Variants in ZNF521 observed in about 807,000 individuals in gnomAD.
ZNF521 encodes the protein zinc finger protein 521, also known as LYST-interacting protein 3.
Under a neutral mutation model 105.5 loss-of-function variants are expected in ZNF521, and 14 were observed. The observed-to-expected ratio is 0.13, with a 90% CI of 0.09 to 0.21. The LOEUF (loss-of-function observed/expected upper bound fraction) is 0.21, where lower values mean the gene tolerates loss of function less well. Among genes scored for constraint, ZNF521 ranks in the 10% least tolerant of loss-of-function variants. The probability of loss-of-function intolerance (pLI) is 1.00; values close to 1 mark genes in which losing one functional copy is unlikely to be tolerated. For missense variants in ZNF521, 1,233 were observed against 1,629.7 expected, an observed-to-expected ratio of 0.76 and a Z score of 4.19; for synonymous variants, 635 against 606.0, an observed-to-expected ratio of 1.05 and a Z score of -0.70.
intron 5 of ZNF521, among the ~76,000 whole-genome samples, chr18:25,105,822 G>C (rs1259968780): frequency 1.3e-5 from 2 of 152,106 alleles, no homozygotes; most frequent in African/African-American, 4.8e-5. Flanking sequence ...TAGTTTACTG[G>C]GTCCCTATGC....
At chr18:25,168,882 T>C (rs1004838938) in intron 5 of ZNF521, among the ~76,000 whole-genome samples, 3 of 152,118 alleles carry the variant, frequency 2.0e-5, no homozygotes, top group African/African-American at 7.2e-5. Context: ...TTACCCATCA[T>C]CTCAGTTTAG....
rs369072355 is a variant in ZNF521, at chr18:25,071,873, T to G, written c.3907-9132A>C. On this transcript the variant is annotated intron_variant, in intron 7 of 7. Coordinates refer to ENST00000361524, the MANE Select transcript of ZNF521 (RefSeq NM_015461.3). ...GTCAGAGGCTTTGTTCTTGGAGGAGTCACACATGCCTGGTGCGGGAGAGAT... is the reference window on the plus strand; with the variant it reads ...GTCAGAGGCTTTGTTCTTGGAGGAGGCACACATGCCTGGTGCGGGAGAGAT... 1.1e-3 allele frequency among the ~76,000 whole-genome samples: 170 copies of G among 151,946 alleles called. 7 individuals carry two copies. The South Asian group carries it at 0.034, about 31-fold the overall frequency.
chr18:25,256,766 G>A (rs1420140092), intron 3 of ZNF521, among the ~76,000 whole-genome samples: 2 of 151,904 alleles, frequency 1.3e-5, no homozygotes, highest in African/African-American at 2.4e-5. Context: ...AAGGAGAACA[G>A]TGTTGGGTCA....
At chr18:25,279,254 C>A (rs1425110848) in intron 3 of ZNF521, among the ~76,000 whole-genome samples, 4 of 152,170 alleles carry the variant, frequency 2.6e-5, no homozygotes, top group Non-Finnish European at 1.5e-5. Context: ...GACACTCAGA[C>A]AACTTATAAA....
chr18:25,072,132 G>A (rs2033241169), intron 7 of ZNF521, among the ~76,000 whole-genome samples: 2 of 152,134 alleles, frequency 1.3e-5, no homozygotes, highest in Non-Finnish European at 1.5e-5. Flanking sequence ...AATATCAAAC[G>A]AGCTGGAAAA....
In ZNF521 at chr18:25,110,326, C is replaced by T. The variant is rs549670206; in HGVS notation, c.3659-18245G>A. Among the ~76,000 whole-genome samples the T allele has an allele frequency of 1.1e-4, 16 of 152,254 alleles. No individual in the cohort carries two copies. The South Asian group carries it at 2.3e-3, about 22-fold the overall frequency. On this transcript the variant is annotated intron_variant, in intron 5 of 7. Coordinates refer to ENST00000361524, the MANE Select transcript of ZNF521 (RefSeq NM_015461.3). ...GAGGAGGTGAGGAGAGGTGGGCCTG[C>T]GCCTTGGGTCCTGCCTGCCCCCTTG...
intron 5 of ZNF521, among the ~76,000 whole-genome samples, chr18:25,154,864 T>C (rs1391223634): frequency 1.3e-5 from 2 of 152,182 alleles, no homozygotes; most frequent in Non-Finnish European, 2.9e-5. Context: ...GGAGTGCAGA[T>C]ATCTTTACGA....
chr18:25,183,933 T>C (rs2035675864), intron 5 of ZNF521, among the ~76,000 whole-genome samples: 1 of 152,192 alleles, frequency 6.6e-6, no homozygotes, highest in South Asian at 2.1e-4. Context: ...AAGGCCATTT[T>C]GAAATAATAT....
chr18:25,149,261 G>A (rs905680797), intron 5 of ZNF521, among the ~76,000 whole-genome samples: 11 of 152,184 alleles, frequency 7.2e-5, no homozygotes, highest in Non-Finnish European at 1.5e-5. Flanking sequence ...TGCTACGATT[G>A]AATCAGCCAT....
intron 3 of ZNF521, among the ~76,000 whole-genome samples, chr18:25,259,556 A>C (rs148221182): frequency 6.6e-6 from 1 of 152,256 alleles, no homozygotes; most frequent in Non-Finnish European, 1.5e-5. Context: ...AAGAGAGCTG[A>C]AGGGAGTAGA....
At chr18:25,212,563 A>ATGTGTG (rs1568012334) in intron 4 of ZNF521, among the ~76,000 whole-genome samples, 1 of 128,962 alleles carries the variant, frequency 7.8e-6, no homozygotes, top group African/African-American at 3.1e-5. Context: ...ATATATATAT[A>ATGTGTG]TATGTATAGA....
chr18:25,324,278 C>A (rs955203308), intron 2 of ZNF521, among the ~76,000 whole-genome samples: 1 of 151,846 alleles, frequency 6.6e-6, no homozygotes, highest in East Asian at 1.9e-4. Flanking sequence ...TAAACAGGAA[C>A]AGACCAGTTA....
chr18:25,287,606 GAA>G (rs1165096292), intron 3 of ZNF521, among the ~76,000 whole-genome samples: 6 of 127,004 alleles, frequency 4.7e-5, no homozygotes, highest in African/African-American at 1.4e-4. Flanking sequence ...GAGAAATTCA[GAA>G]AAAAAAAAAA....
intron 3 of ZNF521, among the ~76,000 whole-genome samples, chr18:25,232,225 C>T (rs1906582724): frequency 1.3e-5 from 2 of 152,160 alleles, no homozygotes; most frequent in Non-Finnish European, 2.9e-5. Context: ...AGTGACCTGG[C>T]TAAGTCATTT....
chr18:25,096,158 TAA>T (rs1189847560), intron 5 of ZNF521, among the ~76,000 whole-genome samples: 2 of 152,180 alleles, frequency 1.3e-5, no homozygotes, highest in African/African-American at 4.8e-5. Context: ...CAAGTCTACA[TAA>T]AAGAGACTGA....
rs530199615 is a variant in ZNF521 at position 25,062,683 on chromosome 18, T to G, written c.*29A>C. 7.1e-7 allele frequency: 1 copy of G among 1,408,528 alleles called. No individual in the cohort carries two copies. Among genetic ancestry groups the G allele is most frequent in the South Asian group, 1.2e-5 (1 of 84,846 alleles). 87.3% of individuals were successfully genotyped at this position (1,408,528 alleles called of 1,614,324 possible). On this transcript the variant is annotated 3_prime_UTR_variant, in exon 8 of 8. Coordinates refer to ENST00000361524, the MANE Select transcript of ZNF521 (RefSeq NM_015461.3). ...CATGTTCCCTTTTTGTGCCACAAAA[T>G]CAATTCTCCTTGAGAGACTGTACTT...
At chr18:25,314,828 A>G (rs1267149154) in intron 3 of ZNF521, among the ~76,000 whole-genome samples, 1 of 152,258 alleles carries the variant, frequency 6.6e-6, no homozygotes, top group Non-Finnish European at 1.5e-5. Flanking sequence ...AGGAGAGAAG[A>G]GAAAAATGAC....
chr18:25,335,597 A>G (rs1913831001), intron 2 of ZNF521, among the ~76,000 whole-genome samples: 1 of 152,196 alleles, frequency 6.6e-6, no homozygotes, highest in Non-Finnish European at 1.5e-5. Flanking sequence ...CCACTCATTA[A>G]AAGTGGCCTC....
Position 25,227,198 on chromosome 18 carries a change from C to G in ZNF521, c.720G>C (p.Trp240Cys). ...TGCACTTCTGAGTGTCCTTCATCTT[C>G]CAGTCCTCCATCCTGGAACCGGACT... The part of the protein sequence containing the change: ...GSQSGSRMED[W>C]KMKDTQKCSQ... The change falls in exon 4 of 8, where the codon TGG (tryptophan) becomes TGC (cysteine). Residue 240 changes from tryptophan to cysteine, a missense_variant. Around this residue, in one of 6 missense-constraint regions of ZNF521, gnomAD observed 380 missense variants for 478.0 expected, o/e 0.80. Coordinates refer to ENST00000361524, the MANE Select transcript of ZNF521 (RefSeq NM_015461.3). The surrounding 1 kb of genome is among the most constrained non-coding windows in gnomAD (Gnocchi z 5.7). 1 of 1,614,160 alleles carries G rather than the reference C, an allele frequency of 6.2e-7. No homozygotes were observed. Among genetic ancestry groups the G allele is most frequent in the Non-Finnish European group, 8.5e-7 (1 of 1,180,008 alleles).
Sources: gnomAD v4.1 joint callset for allele counts (sites outside exome capture counted in the v4.1 genomes callset) on GRCh38, gnomAD v4.1.1 for gene constraint, gnomAD v4.1.1 regional missense constraint, Gnocchi (gnomAD v3.1) non-coding constraint, MANE v1.5 for transcripts, NCBI Gene and HGNC (gene_info 2026-07-23, HGNC 2026-07-21) for gene names.